Variants in SOX6 observed in about 807,000 individuals in gnomAD.
SOX6 encodes the protein SRY-box transcription factor 6.
SOX6 carries 11 observed loss-of-function variants against 97.8 expected under a neutral mutation model. That is an observed-to-expected ratio of 0.11 (90% CI 0.07 to 0.19). The LOEUF is 0.19. SOX6 is among the 10% of genes least tolerant of loss of function. The pLI is 1.00. For missense variants in SOX6, 810 were observed against 1,039.5 expected (o/e 0.78, Z 3.04); for synonymous variants, 360 against 371.4 (o/e 0.97, Z 0.35).
At chr11:16,325,031 GAAAA>G (rs546862768) in intron 2 of SOX6, among the ~76,000 whole-genome samples, 2 of 151,890 alleles carry the variant, frequency 1.3e-5, no homozygotes, top group Non-Finnish European at 2.9e-5. Flanking sequence ...ATTATGTACA[GAAAA>G]AAAGAGACCA....
chr11:16,254,155 A>G (rs920686063), intron 3 of SOX6, among the ~76,000 whole-genome samples: 9 of 152,090 alleles, frequency 5.9e-5, no homozygotes, highest in African/African-American at 2.2e-4. Context: ...AGTAGAAATG[A>G]AGACTTTCTC....
chr11:16,280,495 G>A (rs954297486), intron 3 of SOX6, among the ~76,000 whole-genome samples: 2 of 151,736 alleles, frequency 1.3e-5, no homozygotes, highest in Admixed American at 6.6e-5. Flanking sequence ...AGTCAGGGCC[G>A]CACCCTTCAC....
chr11:16,035,658 C>G lies in SOX6; in HGVS notation c.1623+10856G>C, dbSNP rs141106601. 4.5e-3 allele frequency among the ~76,000 whole-genome samples: 684 copies of G among 152,278 alleles called. 8 individuals are homozygous for G. Among genetic ancestry groups the G allele is most frequent in the Middle Eastern group, 0.02 (6 of 294 alleles). ...CAGAAAATTGTGTTACTGGCATCAA[C>G]TTAAATCAATTAATATTATATTTAG... On this transcript the variant is annotated intron_variant, in intron 12 of 15. Transcript: ENST00000683767.
chr11:16,017,142 T>C (rs557981162), intron 12 of SOX6, among the ~76,000 whole-genome samples: 3 of 152,184 alleles, frequency 2.0e-5, no homozygotes, highest in East Asian at 1.9e-4. Flanking sequence ...TTTTCTTTTA[T>C]AAAAAATGAA....
intron 1 of SOX6, among the ~76,000 whole-genome samples, chr11:16,469,206 G>A (rs1487896966): frequency 6.6e-6 from 1 of 152,086 alleles, no homozygotes; most frequent in Non-Finnish European, 1.5e-5. Context: ...CAAGTCCAGA[G>A]TATTAACAAA....
intron 3 of SOX6, among the ~76,000 whole-genome samples, chr11:16,694,002 C>T (rs999604549): frequency 1.3e-5 from 2 of 152,104 alleles, no homozygotes; most frequent in Non-Finnish European, 2.9e-5. Flanking sequence ...CCTAGCTGAG[C>T]ATTACTCTTC....
intron 13 of SOX6, among the ~76,000 whole-genome samples, chr11:15,998,005 G>T (rs775087137): frequency 1.3e-5 from 2 of 151,732 alleles, no homozygotes; most frequent in Non-Finnish European, 2.9e-5. Context: ...TCTTGAACCC[G>T]GGAGGCAGAG....
At chr11:16,412,653 AT>A (rs1858845406) in intron 1 of SOX6, among the ~76,000 whole-genome samples, 1 of 152,148 alleles carries the variant, frequency 6.6e-6, no homozygotes, top group Non-Finnish European at 1.5e-5. Flanking sequence ...AAAATAATTT[AT>A]TGGTTCACTT....
At chr11:15,989,367 G>T (rs1853973350) in intron 13 of SOX6, 137 bp from the exon 14 acceptor site, 4 of 652,008 alleles carry the variant, frequency 6.1e-6, no homozygotes, top group Admixed American at 3.0e-5. Context: ...GGAAGTAGAA[G>T]GCAGGTTCAA....
intron 4 of SOX6, among the ~76,000 whole-genome samples, chr11:16,573,896 C>A (rs1847959905): frequency 6.6e-6 from 1 of 152,096 alleles, no homozygotes; most frequent in African/African-American, 2.4e-5. Flanking sequence ...TTTTTGACTT[C>A]TCTGTTACTA....
At chr11:16,183,637 G>A (rs1005603658) in intron 6 of SOX6, among the ~76,000 whole-genome samples, 1 of 151,948 alleles carries the variant, frequency 6.6e-6, no homozygotes, top group Non-Finnish European at 1.5e-5. Flanking sequence ...AGTAAGTAGT[G>A]TTAGGCAAAA....
At chr11:16,528,833 GC>G (rs1464091176) in intron 4 of SOX6, among the ~76,000 whole-genome samples, 1 of 152,018 alleles carries the variant, frequency 6.6e-6, no homozygotes, top group Non-Finnish European at 1.5e-5. Flanking sequence ...GATTTCACAG[GC>G]CATAAGAAAA....
At chr11:16,679,342 C>G (rs1017482478) in intron 3 of SOX6, among the ~76,000 whole-genome samples, 2 of 152,172 alleles carry the variant, frequency 1.3e-5, no homozygotes, top group African/African-American at 4.8e-5. Context: ...AAGTGGACCT[C>G]CAGCAAACTC....
At chr11:16,568,551 G>T (rs1478371509) in intron 4 of SOX6, among the ~76,000 whole-genome samples, 2 of 152,044 alleles carry the variant, frequency 1.3e-5, no homozygotes, top group Non-Finnish European at 2.9e-5. Context: ...AAATGCCACT[G>T]ACATGTTCAT....
chr11:16,266,465 C>A (rs1854086813), intron 3 of SOX6, among the ~76,000 whole-genome samples: 1 of 151,396 alleles, frequency 6.6e-6, no homozygotes, highest in Non-Finnish European at 1.5e-5. Context: ...TGAAGGAGAT[C>A]TGTATCTACA....
At chr11:16,585,709 G>T (rs1848084565) in intron 4 of SOX6, among the ~76,000 whole-genome samples, 1 of 126,870 alleles carries the variant, frequency 7.9e-6, no homozygotes, top group Non-Finnish European at 1.6e-5. Context: ...TTGAGACAGG[G>T]TCTCACTTTG....
chr11:16,533,339 C>A (rs886414867), intron 4 of SOX6, among the ~76,000 whole-genome samples: 1 of 151,390 alleles, frequency 6.6e-6, no homozygotes, highest in Admixed American at 6.6e-5. Flanking sequence ...ACTGAATAAC[C>A]CCTAAAAACT....
chr11:16,083,400 G>C (rs1227431372), intron 9 of SOX6, among the ~76,000 whole-genome samples: 1 of 152,184 alleles, frequency 6.6e-6, no homozygotes, highest in Non-Finnish European at 1.5e-5. Flanking sequence ...ACTGCTACCA[G>C]CACTGTAACA....
intron 4 of SOX6, among the ~76,000 whole-genome samples, chr11:16,521,250 C>A (rs943099034): frequency 3.3e-5 from 5 of 152,162 alleles, no homozygotes; most frequent in African/African-American, 1.2e-4. Flanking sequence ...CAGACGGACA[C>A]CTCACACGGC....
Sources: gnomAD v4.1 joint callset for allele counts (sites outside exome capture counted in the v4.1 genomes callset) on GRCh38, gnomAD v4.1.1 for gene constraint, MANE v1.5 for transcripts, NCBI Gene and HGNC (gene_info 2026-07-23, HGNC 2026-07-21) for gene names.